Variants in ADGRE3 observed in about 807,000 individuals in gnomAD.
ADGRE3 encodes the protein adhesion G protein-coupled receptor E3.
In ADGRE3, 88 loss-of-function variants were observed where a neutral mutation model predicts 80.1. That is an observed-to-expected ratio of 1.10 (90% CI 0.93 to 1.31). The LOEUF is 1.31. Ranked by LOEUF, ADGRE3 falls within the 40% of genes most tolerant of loss-of-function variation. ADGRE3 has a pLI of 0.00. For missense variants in ADGRE3, 715 were observed against 776.5 expected (o/e 0.92, Z 0.94); for synonymous variants, 281 against 294.8 (o/e 0.95, Z 0.48).
chr19:14,636,076 CTTTCCCTTTCTTTCTTT>C (rs1212537568), intron 11 of ADGRE3, among the ~76,000 whole-genome samples: 7 of 69,138 alleles, frequency 1.0e-4, no homozygotes, highest in South Asian at 6.1e-4. Flanking sequence ...CTTTCCTTTC[CTTTCCCTTTCTTTCTTT>C]CTTTCTTTCT....
chr19:14,658,312 G>A (rs1026646744), intron 5 of ADGRE3, among the ~76,000 whole-genome samples: 1 of 149,874 alleles, frequency 6.7e-6, no homozygotes, highest in South Asian at 2.1e-4. Context: ...GTACTATTGT[G>A]TAGTAATATG....
At chr19:14,631,553 A>G (rs1261838263) in intron 13 of ADGRE3, among the ~76,000 whole-genome samples, 1 of 151,342 alleles carries the variant, frequency 6.6e-6, no homozygotes, top group African/African-American at 2.4e-5. Context: ...ATCACAACAT[A>G]TAATCACAAT....
At chr19:14,605,759 G>C in the ADGRE3 span, among the ~76,000 whole-genome samples, 1 of 151,598 alleles carries the variant, frequency 6.6e-6, no homozygotes, top group Admixed American at 6.6e-5. Flanking sequence ...TTTTTTCCGG[G>C]ACAGAGGCTT....
chr19:14,639,130 G>C (rs1410214636), intron 10 of ADGRE3, among the ~76,000 whole-genome samples: 1 of 152,028 alleles, frequency 6.6e-6, no homozygotes, highest in Admixed American at 6.6e-5. Context: ...GGGCTGAAGT[G>C]ATCCTCCCGC....
chr19:14,604,936 G>A, the ADGRE3 span, among the ~76,000 whole-genome samples: 1 of 151,966 alleles, frequency 6.6e-6, no homozygotes, highest in South Asian at 2.1e-4. Flanking sequence ...GGAAAGCTGG[G>A]GCGAGTGTTA....
chr19:14,616,497 C>T (rs935893451), downstream of ADGRE3, among the ~76,000 whole-genome samples: 6 of 151,652 alleles, frequency 4.0e-5, no homozygotes, highest in Non-Finnish European at 7.4e-5. Context: ...CTGGGAAAGT[C>T]CCGGGTAAAC....
chr19:14,623,889 A>G (rs1438242907), intron 15 of ADGRE3, among the ~76,000 whole-genome samples: 2 of 152,192 alleles, frequency 1.3e-5, no homozygotes, highest in African/African-American at 2.4e-5. Flanking sequence ...TCACTGAGGA[A>G]CAATATAACA....
intron 13 of ADGRE3, among the ~76,000 whole-genome samples, chr19:14,632,151 T>A (rs1034796606): frequency 6.6e-6 from 1 of 152,194 alleles, no homozygotes; most frequent in Admixed American, 6.5e-5. Context: ...AGAGTTTAAT[T>A]TGTAATTTAA....
Position 14,619,188 on chromosome 19 carries a change from G to A in ADGRE3, c.*245C>T, listed in dbSNP as rs1445212933. The A allele has an allele frequency of 2.7e-5, 13 of 488,680 alleles. No individual in the cohort carries two copies. The highest frequency in any genetic ancestry group is 4.0e-5 in the African/African-American group (2 of 49,494). The allele number at this position is 488,680 out of a possible 1,614,324, so 30.3% of individuals were successfully genotyped here. A position where few individuals can be genotyped will look rare whatever the true frequency, so the allele number is the denominator to read the frequency against. On this transcript the variant is annotated 3_prime_UTR_variant, in exon 16 of 16. Coordinates refer to ENST00000253673, the MANE Select transcript of ADGRE3 (RefSeq NM_032571.5). ...ACAAAAAGTCAAGGAAATATTTGCA[G>A]TGGTCATGCTTTGGGTTTCCAGGGA...
intron 8 of ADGRE3, among the ~76,000 whole-genome samples, chr19:14,646,597 G>A (rs1242877790): frequency 1.4e-5 from 2 of 143,368 alleles, no homozygotes; most frequent in African/African-American, 2.6e-5. Context: ...GAAACTCCTG[G>A]ATCTGTGGTT....
intron 5 of ADGRE3, among the ~76,000 whole-genome samples, chr19:14,656,838 C>T (rs1429644360): frequency 6.6e-6 from 1 of 152,164 alleles, no homozygotes; most frequent in Non-Finnish European, 1.5e-5. Context: ...TCACTGAGGA[C>T]TTCCGTACCC....
chr19:14,601,083 A>G, the ADGRE3 span, among the ~76,000 whole-genome samples: 66,083 of 151,022 alleles, frequency 0.44, 14,948 homozygotes, highest in African/African-American at 0.55. Context: ...TTGTATTATT[A>G]GTAGAGATGA....
chr19:14,634,846 T>A (rs868195814), intron 11 of ADGRE3, among the ~76,000 whole-genome samples: 1 of 119,072 alleles, frequency 8.4e-6, no homozygotes, highest in Non-Finnish European at 1.9e-5. Flanking sequence ...GTGAAGCAAC[T>A]GTCTAAATTC....
intron 1 of ADGRE3, among the ~76,000 whole-genome samples, chr19:14,671,266 C>T (rs1972249624): frequency 6.6e-6 from 1 of 152,116 alleles, no homozygotes; most frequent in Non-Finnish European, 1.5e-5. Flanking sequence ...TTAAATCAGC[C>T]TCTATAGGCT....
chr19:14,641,697 A>G, intron 9 of ADGRE3, 81 bp from the exon 10 acceptor site: 2 of 1,539,320 alleles, frequency 1.3e-6, no homozygotes, highest in Non-Finnish European at 1.8e-6. Flanking sequence ...GGCATCCTAG[A>G]CACAGGCACC....
chr19:14,653,339 C>A (rs1453272581), intron 6 of ADGRE3, among the ~76,000 whole-genome samples: 1 of 151,968 alleles, frequency 6.6e-6, no homozygotes, highest in Non-Finnish European at 1.5e-5. Flanking sequence ...TTTTATCAAA[C>A]CTCAATTTGA....
At chr19:14,621,866 G>A in intron 15 of ADGRE3, 1 of 1,049,538 alleles carries the variant, frequency 9.5e-7, no homozygotes, top group Non-Finnish European at 1.3e-6. Flanking sequence ...GGGACACTCT[G>A]GATTCTCCAC....
chr19:14,607,004 C>A, the ADGRE3 span: 2 of 1,287,410 alleles, frequency 1.6e-6, no homozygotes, highest in South Asian at 2.5e-5. Context: ...ATTTTGTGGC[C>A]AAGGCCCATG....
downstream of ADGRE3, among the ~76,000 whole-genome samples, chr19:14,615,639 G>A (rs559599882): frequency 4.6e-5 from 7 of 151,554 alleles, no homozygotes; most frequent in Admixed American, 4.6e-4. Flanking sequence ...GTGCGTGCCT[G>A]TAATCCCAGC....
Sources: allele counts gnomAD v4.1 joint callset (sites outside exome capture counted in the v4.1 genomes callset), GRCh38; gene constraint gnomAD v4.1.1; transcripts MANE v1.5; gene names NCBI Gene and HGNC (gene_info 2026-07-23, HGNC 2026-07-21).